The following TSPAN14 variants were observed in gnomAD, a reference collection of about 807,000 sequenced individuals.
TSPAN14 encodes the protein tetraspanin 14, also known as tetraspanin-14.
Under a neutral mutation model 36.6 loss-of-function variants are expected in TSPAN14, and 16 were observed. The observed-to-expected ratio is 0.44, with a 90% CI of 0.30 to 0.66. TSPAN14 has a LOEUF of 0.66. Ranked by LOEUF, TSPAN14 falls within the 30% of genes least tolerant of loss-of-function variation. The pLI is 0.12. For missense variants in TSPAN14, 231 were observed against 355.1 expected (o/e 0.65, Z 2.81); for synonymous variants, 139 against 143.8 (o/e 0.97, Z 0.24).
At chr10:80,488,396 G>A (rs953978643) in intron 1 of TSPAN14, among the ~76,000 whole-genome samples, 2 of 152,214 alleles carry the variant, frequency 1.3e-5, no homozygotes, top group African/African-American at 2.4e-5. Flanking sequence ...TTGAGGGTTA[G>A]ACACAGATAA....
intron 3 of TSPAN14, among the ~76,000 whole-genome samples, chr10:80,506,212 A>G (rs1487454851): frequency 6.6e-6 from 1 of 152,192 alleles, no homozygotes; most frequent in African/African-American, 2.4e-5. Context: ...GCCTCAAGTG[A>G]TCTGCCCTCC....
At chr10:80,467,302 G>A (rs959441346) in intron 1 of TSPAN14, among the ~76,000 whole-genome samples, 3 of 152,122 alleles carry the variant, frequency 2.0e-5, no homozygotes, top group African/African-American at 7.2e-5. Context: ...TGTTTAGTTG[G>A]TTATGGGGCT....
intron 1 of TSPAN14, among the ~76,000 whole-genome samples, chr10:80,484,756 A>G (rs1176406055): frequency 2.0e-5 from 3 of 151,828 alleles, no homozygotes; most frequent in East Asian, 1.9e-4. Context: ...TAGATTTGTT[A>G]TCTGTTCAGG....
At chr10:80,470,734 A>G (rs940914222) in intron 1 of TSPAN14, among the ~76,000 whole-genome samples, 4 of 152,184 alleles carry the variant, frequency 2.6e-5, no homozygotes, top group Middle Eastern at 3.2e-3. Flanking sequence ...AGAATGGGCC[A>G]CTCATCACTT....
chr10:80,500,975 T>C (rs1186140410), intron 2 of TSPAN14, among the ~76,000 whole-genome samples: 1 of 152,222 alleles, frequency 6.6e-6, no homozygotes, highest in Non-Finnish European at 1.5e-5. Flanking sequence ...AAATTCCTTT[T>C]GTGAAACCAG....
intron 1 of TSPAN14, among the ~76,000 whole-genome samples, chr10:80,476,216 T>A (rs1481974102): frequency 6.6e-6 from 1 of 151,764 alleles, no homozygotes; most frequent in Non-Finnish European, 1.5e-5. Context: ...TTAAAAAAAA[T>A]TTAAAAATCA....
intron 1 of TSPAN14, among the ~76,000 whole-genome samples, chr10:80,461,368 A>G (rs2131953237): frequency 6.6e-6 from 1 of 152,322 alleles, no homozygotes; most frequent in East Asian, 1.9e-4. Context: ...GCAGTGGAAC[A>G]GTGGTGGTGC....
At chr10:80,486,200 C>T (rs933287444) in intron 1 of TSPAN14, among the ~76,000 whole-genome samples, 3 of 152,236 alleles carry the variant, frequency 2.0e-5, no homozygotes, top group Non-Finnish European at 2.9e-5. Flanking sequence ...GAAGGTGAAG[C>T]AGCAGATGGT....
At chr10:80,520,759 A>G (rs1175078805) in exon 9 of TSPAN14, 1 of 533,048 alleles carries the variant, frequency 1.9e-6, no homozygotes, top group Admixed American at 1.9e-5. Context: ...TGCACCACCC[A>G]CCATGCCCCA....
At chr10:80,471,980 G>C (rs1246896404) in intron 1 of TSPAN14, among the ~76,000 whole-genome samples, 1 of 152,172 alleles carries the variant, frequency 6.6e-6, no homozygotes, top group African/African-American at 2.4e-5. Context: ...TTTGAGACCA[G>C]CCTGGGCAAC....
At position 80,511,770 on chromosome 10, in the gene TSPAN14, CT is replaced by C. The variant is rs1180324095; in HGVS notation, c.451-373del. The stretch of plus-strand genomic sequence containing the variant: ...TCTCTCTCTCTCTCTCTCTCTCTCT[CT>C]CCCCTTTTTTCTTTCTCTCCTTTTC... On this transcript the variant is annotated intron_variant, in intron 5 of 8. Coordinates refer to ENST00000429989, the Ensembl canonical transcript of TSPAN14. 1.6e-4 allele frequency among the ~76,000 whole-genome samples: 19 copies of C among 119,866 alleles called. 1 individual carries two copies. Among genetic ancestry groups the C allele is most frequent in the African/African-American group, 3.3e-4 (10 of 30,180 alleles). 78.6% of individuals were successfully genotyped at this position (119,866 alleles called of 152,430 possible).
intron 2 of TSPAN14, among the ~76,000 whole-genome samples, chr10:80,501,281 A>G (rs1177358686): frequency 8.0e-6 from 1 of 125,774 alleles, no homozygotes; most frequent in Admixed American, 9.7e-5. Flanking sequence ...ATTTTTTTAG[A>G]AAACCTTTTT....
At chr10:80,496,654 T>C (rs1212586356) in intron 2 of TSPAN14, among the ~76,000 whole-genome samples, 1 of 152,222 alleles carries the variant, frequency 6.6e-6, no homozygotes, top group Non-Finnish European at 1.5e-5. Flanking sequence ...TTTAGTTTTT[T>C]ATTTTGTTGA....
intron 6 of TSPAN14, among the ~76,000 whole-genome samples, chr10:80,512,576 T>C (rs1158406849): frequency 6.6e-6 from 1 of 152,234 alleles, no homozygotes; most frequent in Non-Finnish European, 1.5e-5. Flanking sequence ...TAAGGCCCGC[T>C]TATCCCTCTT....
intron 8 of TSPAN14, among the ~76,000 whole-genome samples, 154 bp downstream of exon 8, chr10:80,516,477 G>A (rs1026152187): frequency 1.3e-5 from 2 of 152,224 alleles, no homozygotes; most frequent in African/African-American, 4.8e-5. Context: ...GGCTGAGAGA[G>A]TGTATGCGTG....
chr10:80,511,939 C>T (rs996437082), intron 5 of TSPAN14, among the ~76,000 whole-genome samples: 1 of 152,068 alleles, frequency 6.6e-6, no homozygotes, highest in Non-Finnish European at 1.5e-5. Context: ...GCCTGAGCTA[C>T]TACGCCTAGC....
intron 3 of TSPAN14, among the ~76,000 whole-genome samples, chr10:80,505,664 C>T (rs1840250068): frequency 6.6e-6 from 1 of 152,176 alleles, no homozygotes; most frequent in Admixed American, 6.5e-5. Context: ...GGCCTGTGAA[C>T]CCCTAAAGGG....
intron 1 of TSPAN14, among the ~76,000 whole-genome samples, chr10:80,483,295 A>C (rs887928849): frequency 2.6e-5 from 4 of 152,148 alleles, no homozygotes; most frequent in African/African-American, 7.2e-5. Flanking sequence ...TGATGCTGGA[A>C]ACCTTTTTGG....
chr10:80,485,196 C>T (rs1163448194), intron 1 of TSPAN14, among the ~76,000 whole-genome samples: 3 of 122,470 alleles, frequency 2.4e-5, no homozygotes, highest in Admixed American at 8.3e-5. Flanking sequence ...CTTAGTCATG[C>T]GTGCGTGTGT....
Sources: gnomAD v4.1 joint callset for allele counts (sites outside exome capture counted in the v4.1 genomes callset) on GRCh38, gnomAD v4.1.1 for gene constraint, MANE v1.5 for transcripts, NCBI Gene and HGNC (gene_info 2026-07-23, HGNC 2026-07-21) for gene names.